The following ATL2 variants were observed in gnomAD, a reference collection of about 807,000 sequenced individuals.
ATL2 encodes atlastin-2.
Under a neutral mutation model 73.9 loss-of-function variants are expected in ATL2, and 31 were observed. The observed-to-expected ratio is 0.42, with a 90% confidence interval of 0.32 to 0.57. The LOEUF (loss-of-function observed/expected upper bound fraction) is 0.57. Ranked by LOEUF, ATL2 falls within the 20% of genes least tolerant of loss-of-function variation. The probability of loss-of-function intolerance (pLI) is 0.14; values close to 1 mark genes in which losing one functional copy is unlikely to be tolerated. For synonymous variants in ATL2, 291 were observed against 237.5 expected, an observed-to-expected ratio of 1.23 and a Z score of -2.07; for missense variants, 738 against 702.6, an observed-to-expected ratio of 1.05 and a Z score of -0.57.
intron 12 of ATL2, chr2:38,296,645 G>C (rs1317580381): frequency 1.3e-6 from 2 of 1,595,566 alleles, no homozygotes; most frequent in African/African-American, 1.3e-5. Flanking sequence ...CGAAGCTAAA[G>C]AGTTTAAGAC....
intron 11 of ATL2, 78 bp from the exon 12 acceptor site, chr2:38,298,653 C>A: frequency 6.8e-7 from 1 of 1,461,810 alleles, no homozygotes. Context: ...AGTTTTTAGT[C>A]TCAGAAAGTC....
intron 1 of ATL2, chr2:38,376,032 CTT>C: frequency 7.3e-7 from 1 of 1,367,870 alleles, no homozygotes; most frequent in African/African-American, 1.4e-5. Context: ...CCAGCAAAAC[CTT>C]TACACACCGT....
chr2:38,340,664 G>A (rs1237615041), intron 2 of ATL2, among the ~76,000 whole-genome samples: 1 of 152,156 alleles, frequency 6.6e-6, no homozygotes, highest in Non-Finnish European at 1.5e-5. Flanking sequence ...AGGCATACAG[G>A]TTAATAAAAT....
At chr2:38,333,907 A>C (rs1447462298) in intron 2 of ATL2, among the ~76,000 whole-genome samples, 1 of 152,186 alleles carries the variant, frequency 6.6e-6, no homozygotes, top group Non-Finnish European at 1.5e-5. Flanking sequence ...ATCTAATCCA[A>C]TTTAAAACCT....
intron 2 of ATL2, among the ~76,000 whole-genome samples, chr2:38,334,902 T>TA (rs370256885): frequency 1.5e-5 from 1 of 65,320 alleles, no homozygotes; most frequent in East Asian, 6.2e-4. Flanking sequence ...ATATATATTA[T>TA]TTATAATATA....
At chr2:38,316,512 A>C (rs1668032276) in intron 4 of ATL2, among the ~76,000 whole-genome samples, 1 of 152,220 alleles carries the variant, frequency 6.6e-6, no homozygotes, top group Admixed American at 6.5e-5. Flanking sequence ...CAAGAAGATC[A>C]AATTATCATT....
rs550063951 is a variant in ATL2 at position 38,370,343 on chromosome 2, G to A, written c.118+6800C>T. On this transcript the variant is annotated intron_variant, in intron 1 of 12. Coordinates refer to ENST00000378954, the MANE Select transcript of ATL2 (RefSeq NM_001135673.4). ...GGGCACCTGTAATCTCAGCTGCTCG[G>A]GAGGCTAAGGCAAGAGAATCACTTG... 2.9e-4 allele frequency among the ~76,000 whole-genome samples: 43 copies of A among 150,436 alleles called. 1 individual carries two copies. The highest frequency in any genetic ancestry group is 9.8e-4 in the African/African-American group (40 of 40,988).
chr2:38,297,661 T>TCCTC (rs1318791988), intron 12 of ATL2, among the ~76,000 whole-genome samples: 1 of 152,208 alleles, frequency 6.6e-6, no homozygotes, highest in Non-Finnish European at 1.5e-5. Context: ...ACGGGATTGT[T>TCCTC]CCTCATAGTA....
intron 2 of ATL2, among the ~76,000 whole-genome samples, chr2:38,341,057 G>T (rs1385066904): frequency 6.6e-6 from 1 of 152,200 alleles, no homozygotes; most frequent in Non-Finnish European, 1.5e-5. Flanking sequence ...GATGGAAACA[G>T]AAATGGCACC....
intron 1 of ATL2, among the ~76,000 whole-genome samples, chr2:38,349,355 G>T (rs1670210733): frequency 6.6e-6 from 1 of 151,466 alleles, no homozygotes; most frequent in African/African-American, 2.4e-5. Context: ...AAAAAATGAT[G>T]AGTTCATGTC....
At chr2:38,309,344 CTA>C in intron 9 of ATL2, 33 bp downstream of exon 9, 1 of 1,556,396 alleles carries the variant, frequency 6.4e-7, no homozygotes, top group South Asian at 1.2e-5. Context: ...AACTACATTT[CTA>C]TCTTAGACAA....
At chr2:38,358,647 G>C (rs923062820) in intron 1 of ATL2, 1 of 198,454 alleles carries the variant, frequency 5.0e-6, no homozygotes, top group Non-Finnish European at 1.1e-5. Context: ...AGCCGAGACC[G>C]TGCCACTGCA....
intron 9 of ATL2, among the ~76,000 whole-genome samples, chr2:38,306,631 C>T (rs1027842418): frequency 8.5e-5 from 13 of 152,254 alleles, no homozygotes; most frequent in South Asian, 8.3e-4. Context: ...TCGTTATCAC[C>T]AGAATGAAGA....
At chr2:38,314,546 A>G in intron 6 of ATL2, 62 bp downstream of exon 6, 1 of 1,219,512 alleles carries the variant, frequency 8.2e-7, no homozygotes, top group Non-Finnish European at 1.2e-6. Flanking sequence ...AAAATTACAA[A>G]CTGAGGTGGC....
chr2:38,306,124 C>T (rs1667434836), intron 9 of ATL2, among the ~76,000 whole-genome samples: 1 of 152,026 alleles, frequency 6.6e-6, no homozygotes, highest in Admixed American at 6.6e-5. Flanking sequence ...AACTATATGC[C>T]AATAAATGGG....
At chr2:38,332,416 G>A (rs1669053297) in intron 2 of ATL2, among the ~76,000 whole-genome samples, 1 of 151,966 alleles carries the variant, frequency 6.6e-6, no homozygotes, top group African/African-American at 2.4e-5. Flanking sequence ...ATGTTGCCCA[G>A]ACTGGTCTCA....
At chr2:38,324,826 G>A (rs888506310) in intron 2 of ATL2, among the ~76,000 whole-genome samples, 1 of 152,232 alleles carries the variant, frequency 6.6e-6, no homozygotes, top group African/African-American at 2.4e-5. Flanking sequence ...CATATGAGGT[G>A]CTTAGTCAAA....
chr2:38,346,738 G>A (rs55949215), intron 1 of ATL2, among the ~76,000 whole-genome samples: 15,772 of 152,138 alleles, frequency 0.1, 2,699 homozygotes, highest in African/African-American at 0.36. Context: ...ATGCTCGCTC[G>A]CCTGCTACTC....
intron 2 of ATL2, among the ~76,000 whole-genome samples, chr2:38,323,604 A>G (rs1394734380): frequency 6.6e-6 from 1 of 152,174 alleles, no homozygotes; most frequent in East Asian, 1.9e-4. Context: ...TACCTATTCT[A>G]AACAGTAAGA....
Sources: allele counts gnomAD v4.1 joint callset (sites outside exome capture counted in the v4.1 genomes callset), GRCh38; gene constraint gnomAD v4.1.1; transcripts MANE v1.5; gene names NCBI Gene and HGNC (gene_info 2026-07-23, HGNC 2026-07-21).